SPTAN1: variants seen among roughly 807,000 people sequenced by gnomAD.
SPTAN1 encodes spectrin alpha, non-erythrocytic 1, also known as spectrin alpha chain, non-erythrocytic 1.
SPTAN1 carries 61 observed loss-of-function variants against 331.3 expected under a neutral mutation model. The observed-to-expected ratio is 0.18, with a 90% CI of 0.15 to 0.23. The LOEUF (loss-of-function observed/expected upper bound fraction) is 0.23, where lower values mean the gene tolerates loss of function less well. SPTAN1 is among the 10% of genes least tolerant of loss of function. The pLI is 1.00. For missense variants in SPTAN1, 2,043 were observed against 3,147.9 expected (o/e 0.65, Z 8.40); for synonymous variants, 1,153 against 1,173.9 (o/e 0.98, Z 0.36).
chr9:128,626,020 A>G, intron 48 of SPTAN1, 42 bp downstream of exon 48: 1 of 1,607,998 alleles, frequency 6.2e-7, no homozygotes, highest in Non-Finnish European at 8.5e-7. Flanking sequence ...CCCACAGCTC[A>G]AGGAAGGACG....
intron 22 of SPTAN1, 78 bp downstream of exon 22, chr9:128,591,703 G>C (rs78401969): frequency 6.3e-7 from 1 of 1,581,948 alleles, no homozygotes; most frequent in Admixed American, 1.7e-5. Context: ...AAGCTTAGGC[G>C]TGTCCTGAGG....
chr9:128,602,224 T>G (rs959963767), intron 27 of SPTAN1, among the ~76,000 whole-genome samples: 3 of 150,958 alleles, frequency 2.0e-5, no homozygotes, highest in Admixed American at 6.6e-5. Context: ...TTTTTTTGTT[T>G]TTTTTTTTTT....
chr9:128,606,691 G>A (rs1224088737), intron 31 of SPTAN1, among the ~76,000 whole-genome samples: 6 of 151,852 alleles, frequency 4.0e-5, no homozygotes, highest in African/African-American at 1.4e-4. Flanking sequence ...TCTCCATGTT[G>A]GTCAGGCTGG....
chr9:128,569,123 A>C (rs956932147), intron 3 of SPTAN1, among the ~76,000 whole-genome samples: 11 of 152,262 alleles, frequency 7.2e-5, no homozygotes, highest in African/African-American at 2.4e-5. Context: ...TTTGCAGAGC[A>C]AATTAGAATG....
At chr9:128,622,851 CAAGT>C (rs1858096710) in intron 45 of SPTAN1, among the ~76,000 whole-genome samples, 1 of 150,574 alleles carries the variant, frequency 6.6e-6, no homozygotes, top group African/African-American at 2.5e-5. Flanking sequence ...CTCCTGGGTT[CAAGT>C]GACTCTCCTG....
At position 128,608,278 on chromosome 9, in the gene SPTAN1, T is replaced by A. The variant is rs1055935155; in HGVS notation, c.4491+2T>A. 6.2e-7 allele frequency: 1 copy of A among 1,614,026 alleles called. No individual in the cohort carries two copies. ...TTTGACAAAGCGATTAACGTCCAGG[T>A]GAGGCCTCTGGACCATGGAGTTGGA... is the stretch of plus-strand genomic sequence containing the variant. On this transcript the variant is annotated splice_donor_variant, in intron 34 of 56. Coordinates refer to ENST00000372739, the MANE Select transcript of SPTAN1 (RefSeq NM_001130438.3). LOFTEE classifies it high-confidence loss of function.
intron 1 of SPTAN1, among the ~76,000 whole-genome samples, chr9:128,559,216 G>A (rs905762397): frequency 3.9e-5 from 6 of 152,090 alleles, no homozygotes; most frequent in Non-Finnish European, 7.4e-5. Flanking sequence ...GTATAGAATT[G>A]ACTCGTTCTA....
chr9:128,576,945 G>A lies in SPTAN1; in HGVS notation c.774G>A (p.Gln258=), dbSNP rs138609094. 4.2e-4 allele frequency: 686 copies of A among 1,614,166 alleles called. 4 individuals are homozygous for A. In the African/African-American group the frequency reaches 8.5e-3, roughly 20 times the overall value. The change falls in exon 6 of 57, where the codon CAG becomes CAA. Residue 258 remains glutamine (Q), a synonymous_variant. Coordinates refer to ENST00000372739, the MANE Select transcript of SPTAN1 (RefSeq NM_001130438.3). ...QGKLFGAAEV[Q]RFNRDVDETI... The stretch of plus-strand genomic sequence containing the variant: ...AGCTCTTTGGGGCAGCAGAAGTTCA[G>A]CGCTTTAACAGGTGTCAAGCCAGAG...
chr9:128,574,559 A>T, intron 3 of SPTAN1, 116 bp from the exon 4 acceptor site: 2 of 1,220,132 alleles, frequency 1.6e-6, no homozygotes, highest in South Asian at 2.6e-5. Context: ...ATTATCTTTT[A>T]AAAATATTTT....
Position 128,630,385 on chromosome 9 carries a change from C to T in SPTAN1, c.6762+10C>T, listed in dbSNP as rs367706466. 66 of 1,611,932 alleles carry T rather than the reference C, an allele frequency of 4.1e-5. No individual in the cohort carries two copies. Among genetic ancestry groups the T allele is most frequent in the East Asian group, 1.8e-4 (8 of 44,886 alleles). ...GCTTGAAGCTACCAAAGTAAGTGCC[C>T]GTGGGGCTCTGGCCCAGCAGAGACC... On this transcript the variant is annotated intron_variant, in intron 52 of 56. Coordinates refer to ENST00000372739, the MANE Select transcript of SPTAN1 (RefSeq NM_001130438.3).
intron 15 of SPTAN1, among the ~76,000 whole-genome samples, chr9:128,583,512 G>A (rs541218799): frequency 1.2e-3 from 184 of 152,228 alleles, no homozygotes; most frequent in African/African-American, 4.3e-3. Flanking sequence ...GAACTGAATT[G>A]GGCCTCATTG....
At chr9:128,558,170 A>T (rs1848876205) in intron 1 of SPTAN1, among the ~76,000 whole-genome samples, 1 of 152,214 alleles carries the variant, frequency 6.6e-6, no homozygotes, top group Non-Finnish European at 1.5e-5. Flanking sequence ...ATCTGGTAGT[A>T]TTGTAAGAAT....
intron 17 of SPTAN1, 42 bp downstream of exon 17, chr9:128,584,567 CT>C: frequency 6.2e-7 from 1 of 1,613,954 alleles, no homozygotes; most frequent in Non-Finnish European, 8.5e-7. Context: ...TTGGGAAAGG[CT>C]GTGCTATTGT....
In SPTAN1 at chr9:128,600,069, T is replaced by C. The variant is rs1564262807; in HGVS notation, c.3544-11T>C. The C allele has an allele frequency of 1.2e-6, 2 of 1,614,228 alleles. No homozygotes were observed. Among genetic ancestry groups the C allele is most frequent in the South Asian group, 1.1e-5 (1 of 91,090 alleles). ...TTGCTTGGCTGCCTAAATTCCTCTTTCTTTGAATAGGATGAAACTGATTCC... is the reference window on the plus strand; with the variant it reads ...TTGCTTGGCTGCCTAAATTCCTCTTCCTTTGAATAGGATGAAACTGATTCC... On this transcript the variant is annotated splice_polypyrimidine_tract_variant and intron_variant, in intron 26 of 56. Transcript: ENST00000372739.
In SPTAN1 at chr9:128,579,719, C is replaced by T. The variant is rs763812488; in HGVS notation, c.1304C>T (p.Ser435Leu). ...QALLAAGHYA[S>L]DEVREKLTVL... ...CTGCTTGCTGCTGGTCACTATGCCT[C>T]AGATGAAGTGAGGGAGAAGGTAAGA... The change falls in exon 10 of 57, where the codon TCA becomes TTA. Residue 435 changes from serine to leucine, a missense_variant. By Grantham distance (145) the Ser-to-Leu change is moderately radical. Coordinates refer to ENST00000372739, the MANE Select transcript of SPTAN1 (RefSeq NM_001130438.3). 1 of 1,613,956 alleles carries T rather than the reference C, an allele frequency of 6.2e-7. No homozygotes were observed. Among genetic ancestry groups the T allele is most frequent in the Admixed American group, 1.7e-5 (1 of 59,998 alleles).
rs371182687 is a variant in SPTAN1 at position 128,619,016 on chromosome 9, C to T, written c.5733+13C>T. ...TGCCGCCATCCAGGTGAGACAGAAA[C>T]CAAAGGTGTCACCTGCTTTCTCTCT... is the stretch of plus-strand genomic sequence containing the variant. On this transcript the variant is annotated intron_variant, in intron 44 of 56. Coordinates refer to ENST00000372739, the MANE Select transcript of SPTAN1 (RefSeq NM_001130438.3). The T allele has an allele frequency of 1.2e-6, 2 of 1,613,256 alleles. No homozygotes were observed. Among genetic ancestry groups the T allele is most frequent in the African/African-American group, 2.7e-5 (2 of 74,884 alleles).
chr9:128,590,661 C>T (rs138411842), intron 21 of SPTAN1, among the ~76,000 whole-genome samples: 2,929 of 151,358 alleles, frequency 0.019, 96 homozygotes, highest in African/African-American at 0.067. Flanking sequence ...ACCATCCTGG[C>T]CAACATGGTG....
chr9:128,600,974 C>CTTTTTTTTTTTTTTTTTTTTTTTT lies in SPTAN1; in HGVS notation c.3579+863_3579+886dup, dbSNP rs60290370. Among the ~76,000 whole-genome samples, 4 of 40,850 alleles carry CTTTTTTTTTTTTTTTTTTTTTTTT rather than the reference C, an allele frequency of 9.8e-5. 1 individual carries two copies. Among genetic ancestry groups the CTTTTTTTTTTTTTTTTTTTTTTTT allele is most frequent in the Admixed American group, 5.0e-4 (1 of 1,986 alleles). The allele number at this position is 40,850 out of a possible 152,430, so 26.8% of individuals were successfully genotyped here. ...CACAGCACACAGCCAGGGAGAAAGT[C>CTTTTTTTTTTTTTTTTTTTTTTTT]TTTTTTTTTTTTTTTTTTTTTTTTT... On this transcript the variant is annotated intron_variant, in intron 27 of 56. Transcript: ENST00000372739.
intron 3 of SPTAN1, among the ~76,000 whole-genome samples, chr9:128,574,052 C>T (rs1014071775): frequency 7.9e-5 from 12 of 152,210 alleles, no homozygotes; most frequent in Non-Finnish European, 1.5e-4. Flanking sequence ...TGCACCCAGC[C>T]TCCCCTTTAC....
Sources: allele counts gnomAD v4.1 joint callset (sites outside exome capture counted in the v4.1 genomes callset), GRCh38; gene constraint gnomAD v4.1.1; transcripts MANE v1.5; gene names NCBI Gene and HGNC (gene_info 2026-07-23, HGNC 2026-07-21).